Variants in RIMS1 observed in about 807,000 individuals in gnomAD.
RIMS1 encodes the protein regulating synaptic membrane exocytosis 1.
Under a neutral mutation model 214.1 loss-of-function variants are expected in RIMS1, and 83 were observed. The observed-to-expected ratio is 0.39, with a 90% CI of 0.32 to 0.47. The LOEUF is 0.47. RIMS1 is among the 20% of genes least tolerant of loss of function. The pLI is 0.99. For missense variants in RIMS1, 2,050 were observed against 2,161.8 expected (o/e 0.95, Z 1.03); for synonymous variants, 793 against 786.8 (o/e 1.01, Z -0.13).
intron 2 of RIMS1, among the ~76,000 whole-genome samples, chr6:72,072,751 C>T (rs1423264472): frequency 1.3e-5 from 2 of 152,180 alleles, no homozygotes; most frequent in Non-Finnish European, 2.9e-5. Flanking sequence ...CACCACCCTT[C>T]TATAGTAACT....
chr6:71,955,980 A>G (rs1791145020), intron 1 of RIMS1, among the ~76,000 whole-genome samples: 1 of 152,144 alleles, frequency 6.6e-6, no homozygotes, highest in African/African-American at 2.4e-5. Context: ...TTAATGTTAT[A>G]TATAAGAGGA....
At chr6:71,912,481 A>G (rs895744155) in intron 1 of RIMS1, among the ~76,000 whole-genome samples, 6 of 152,128 alleles carry the variant, frequency 3.9e-5, no homozygotes, top group Non-Finnish European at 7.4e-5. Flanking sequence ...CTGCTATTAA[A>G]TTGTAATAGT....
At chr6:72,101,758 A>G (rs894384076) in intron 4 of RIMS1, among the ~76,000 whole-genome samples, 1 of 151,958 alleles carries the variant, frequency 6.6e-6, no homozygotes, top group African/African-American at 2.4e-5. Context: ...TAGCTAATTT[A>G]TAAATGTTTC....
intron 2 of RIMS1, among the ~76,000 whole-genome samples, chr6:71,975,832 G>T (rs1373606878): frequency 6.6e-6 from 1 of 151,776 alleles, no homozygotes; most frequent in Non-Finnish European, 1.5e-5. Flanking sequence ...ATATGTGTCT[G>T]TTTATATCTG....
intron 2 of RIMS1, among the ~76,000 whole-genome samples, chr6:71,976,741 T>G (rs140072581): frequency 0.01 from 1,530 of 152,292 alleles, 10 homozygotes; most frequent in Non-Finnish European, 0.016. Context: ...CATTTAGGTC[T>G]TTGATTCATT....
intron 28 of RIMS1, among the ~76,000 whole-genome samples, chr6:72,317,948 G>A (rs919851876): frequency 1.3e-5 from 2 of 151,924 alleles, no homozygotes; most frequent in African/African-American, 4.8e-5. Flanking sequence ...TCTTTCTGGC[G>A]ATTTAACCTT....
At position 71,911,925 on chromosome 6, in the gene RIMS1, G is replaced by GT. The variant is rs1487789509; in HGVS notation, c.164+24739dup. Among the ~76,000 whole-genome samples the GT allele has an allele frequency of 3.3e-5, 5 of 152,264 alleles. No homozygotes were observed. The East Asian group carries it at 5.8e-4, about 18-fold the overall frequency. ...TTACCTTGGTTTAAGACCCCTGGGA[G>GT]TGAACTCCTATCAATGGTACTTGTG... On this transcript the variant is annotated intron_variant, in intron 1 of 33. Coordinates refer to ENST00000521978, the MANE Select transcript of RIMS1 (RefSeq NM_014989.7).
chr6:72,247,209 T>G (rs2070401064), intron 11 of RIMS1, among the ~76,000 whole-genome samples: 1 of 152,082 alleles, frequency 6.6e-6, no homozygotes, highest in African/African-American at 2.4e-5. Context: ...CATGTGAAGT[T>G]GAAACAAATC....
intron 6 of RIMS1, chr6:72,216,779 C>A: frequency 1.0e-6 from 1 of 988,712 alleles, no homozygotes; most frequent in Non-Finnish European, 1.2e-6. Flanking sequence ...TTAAGGACCA[C>A]AACGTTTCAT....
chr6:72,226,294 A>C (rs2060152006), intron 6 of RIMS1, among the ~76,000 whole-genome samples: 1 of 152,142 alleles, frequency 6.6e-6, no homozygotes, highest in Non-Finnish European at 1.5e-5. Context: ...CCAAAGCTTC[A>C]TGTGATCTCA....
At chr6:72,262,071 CA>C (rs1399181920) in intron 19 of RIMS1, 18 of 984,560 alleles carry the variant, frequency 1.8e-5, no homozygotes, top group Non-Finnish European at 1.9e-5. Context: ...ACAAAACAAA[CA>C]CAAAAAAAAT....
intron 29 of RIMS1, among the ~76,000 whole-genome samples, chr6:72,383,627 A>T (rs2154426798): frequency 6.6e-6 from 1 of 151,260 alleles, no homozygotes; most frequent in South Asian, 2.1e-4. Context: ...AAAAAAAAAA[A>T]AAAACTAAAA....
intron 6 of RIMS1, chr6:72,216,675 C>A: frequency 3.0e-6 from 3 of 985,636 alleles, no homozygotes; most frequent in Non-Finnish European, 3.6e-6. Flanking sequence ...TCTGCTCAAC[C>A]TTGTCATCTT....
intron 2 of RIMS1, among the ~76,000 whole-genome samples, chr6:72,074,971 G>T (rs1175038304): frequency 6.6e-6 from 1 of 152,000 alleles, no homozygotes; most frequent in Non-Finnish European, 1.5e-5. Flanking sequence ...AAAAAATTAA[G>T]ACATCAAATC....
intron 2 of RIMS1, among the ~76,000 whole-genome samples, chr6:71,992,426 C>CTTTCT (rs1801961530): frequency 1.4e-5 from 2 of 140,142 alleles, no homozygotes; most frequent in African/African-American, 5.4e-5. Flanking sequence ...TTCTTTCTTT[C>CTTTCT]TTTCTTTCTT....
intron 19 of RIMS1, chr6:72,262,261 C>T (rs2078376567): frequency 1.2e-6 from 1 of 816,252 alleles, no homozygotes; most frequent in Non-Finnish European, 1.5e-6. Context: ...TTTATATAAT[C>T]TTATACTTAA....
At chr6:71,965,569 C>A (rs947287183) in intron 1 of RIMS1, among the ~76,000 whole-genome samples, 4 of 152,146 alleles carry the variant, frequency 2.6e-5, no homozygotes, top group Non-Finnish European at 5.9e-5. Flanking sequence ...GGCAACCATT[C>A]ATCGCATTGA....
intron 7 of RIMS1, among the ~76,000 whole-genome samples, chr6:72,234,409 C>T (rs111682477): frequency 0.03 from 4,515 of 151,854 alleles, 201 homozygotes; most frequent in African/African-American, 0.1. Context: ...AGGCCTTTTT[C>T]GAGCAGTTTT....
Position 72,251,000 on chromosome 6 carries a change from G to C in RIMS1, c.2452G>C (p.Val818Leu), listed in dbSNP as rs1319510320. The change falls in exon 14 of 34, where the codon GTA (valine) becomes CTA (leucine). Residue 818 changes from valine to leucine, a missense_variant. Around this residue, in one of 6 missense-constraint regions of RIMS1, gnomAD observed 889 missense variants for 885.5 expected, o/e 1.00. Coordinates refer to ENST00000521978, the MANE Select transcript of RIMS1 (RefSeq NM_014989.7). Reference sequence around the variant, plus strand: ...GAATCAAACTTTTGTCTATTCACATGTACATCGTAGAGATTTTAGAGAACG... The same window carrying C: ...GAATCAAACTTTTGTCTATTCACATCTACATCGTAGAGATTTTAGAGAACG... ...KWNQTFVYSH[V>L]HRRDFRERML... 6.4e-7 allele frequency: 1 copy of C among 1,564,232 alleles called. No homozygotes were observed. The highest frequency in any genetic ancestry group is 8.7e-7 in the Non-Finnish European group (1 of 1,153,236).
Sources: gnomAD v4.1 joint callset for allele counts (sites outside exome capture counted in the v4.1 genomes callset) on GRCh38, gnomAD v4.1.1 for gene constraint, gnomAD v4.1.1 regional missense constraint, MANE v1.5 for transcripts, NCBI Gene and HGNC (gene_info 2026-07-23, HGNC 2026-07-21) for gene names.